Variants in TNRC6C observed in about 807,000 individuals in gnomAD.
The protein encoded by TNRC6C is trinucleotide repeat-containing gene 6C protein.
In TNRC6C, 20 loss-of-function variants were observed where a neutral mutation model predicts 153.7. The ratio of observed to expected loss-of-function variants is 0.13; its 90% CI spans 0.09 to 0.19. The LOEUF (loss-of-function observed/expected upper bound fraction) is 0.19, where lower values mean the gene tolerates loss of function less well. TNRC6C is among the 10% of genes least tolerant of loss of function. The pLI is 1.00. For missense variants in TNRC6C, 1,987 were observed against 2,172.0 expected, an observed-to-expected ratio of 0.91 and a Z score of 1.69; for synonymous variants, 811 against 841.4, an observed-to-expected ratio of 0.96 and a Z score of 0.63.
chr17:77,989,637 C>T (rs1485262306), intron 1 of TNRC6C, among the ~76,000 whole-genome samples: 1 of 152,162 alleles, frequency 6.6e-6, no homozygotes, highest in Non-Finnish European at 1.5e-5. Context: ...TATTTGTTTA[C>T]CCACTAACTG....
At chr17:78,004,617 A>AT (rs918661410), upstream of TNRC6C, among the ~76,000 whole-genome samples, 393 of 149,898 alleles carry the variant, frequency 2.6e-3, 2 homozygotes, top group African/African-American at 8.1e-3. Context: ...AGCTAGAAAT[A>AT]TTTTTTTTTT....
intron 1 of TNRC6C, among the ~76,000 whole-genome samples, chr17:77,992,063 C>G (rs1033146876): frequency 9.9e-5 from 15 of 152,148 alleles, no homozygotes; most frequent in African/African-American, 3.6e-4. Flanking sequence ...CCTTCCGAGC[C>G]CAGTGCTGAG....
chr17:78,006,479 CTTCTTCTTCTTCT>C (rs1316245835), intron 1 of TNRC6C, among the ~76,000 whole-genome samples: 5 of 149,326 alleles, frequency 3.3e-5, no homozygotes, highest in African/African-American at 1.3e-4. Context: ...TCCATTTCTT[CTTCTTCTTCTTCT>C]TTCTTCTTCT....
intron 5 of TNRC6C, among the ~76,000 whole-genome samples, chr17:78,070,845 T>C (rs2072980122): frequency 6.6e-6 from 1 of 152,214 alleles, no homozygotes; most frequent in Admixed American, 6.5e-5. Flanking sequence ...GAAATAATTA[T>C]CTTGCTTTAA....
intron 19 of TNRC6C, 113 bp downstream of exon 22, chr17:78,103,666 T>C: frequency 6.9e-7 from 1 of 1,442,416 alleles, no homozygotes; most frequent in Non-Finnish European, 9.3e-7. Context: ...TCCCACAGGC[T>C]GGCCACCCTC....
At chr17:78,067,432 G>T (rs2072903991) in intron 4 of TNRC6C, among the ~76,000 whole-genome samples, 1 of 152,200 alleles carries the variant, frequency 6.6e-6, no homozygotes, top group Non-Finnish European at 1.5e-5. Flanking sequence ...TTCATACCAT[G>T]TAGAGATTGC....
exon 20 of TNRC6C, chr17:78,108,107 A>G (rs1414642888): frequency 6.6e-6 from 1 of 152,222 alleles, no homozygotes; most frequent in Non-Finnish European, 1.5e-5. Flanking sequence ...GCCTCTGAAG[A>G]CAAACCGAGC....
intron 1 of TNRC6C, among the ~76,000 whole-genome samples, chr17:77,979,094 T>A (rs1447946503): frequency 6.6e-6 from 1 of 152,184 alleles, no homozygotes; most frequent in Non-Finnish European, 1.5e-5. Context: ...GACCTTAAGG[T>A]AATGTTGATA....
In TNRC6C at chr17:78,063,269, A is replaced by AAT. The variant is rs553498675; in HGVS notation, c.2396-1442_2396-1441dup. On this transcript the variant is annotated intron_variant, in intron 3 of 19. Coordinates refer to ENST00000301624, the Ensembl canonical transcript of TNRC6C. ...CCAAAATATATATATATATATAAAT[A>AAT]ATATATATATATGTATAATTTTAAT... Among the ~76,000 whole-genome samples the AAT allele has an allele frequency of 7.6e-4, 112 of 147,896 alleles. 2 individuals carry two copies. Among genetic ancestry groups the AAT allele is most frequent in the African/African-American group, 2.3e-3 (95 of 40,670 alleles).
exon 4 of TNRC6C, chr17:78,064,771 C>T (rs376025215): frequency 4.3e-6 from 7 of 1,613,762 alleles, no homozygotes; most frequent in African/African-American, 2.7e-5. Context: ...AGACTGAAAA[C>T]TCTTGGGGAG....
intron 1 of TNRC6C, among the ~76,000 whole-genome samples, chr17:78,023,823 AGCCTG>A (rs1243378979): frequency 6.9e-6 from 1 of 144,972 alleles, no homozygotes; most frequent in Non-Finnish European, 1.5e-5. Context: ...CAAACAAAAA[AGCCTG>A]GCCGGGCACT....
chr17:78,058,261 C>G lies in TNRC6C; in HGVS notation c.2396-6461C>G, dbSNP rs569049382. Among the ~76,000 whole-genome samples, 7 of 152,296 alleles carry G rather than the reference C, an allele frequency of 4.6e-5. No individual in the cohort carries two copies. In the South Asian group the frequency reaches 1.5e-3, roughly 32 times the overall value. On this transcript the variant is annotated intron_variant, in intron 3 of 19. Transcript: ENST00000301624. ...GGATGTGGCAGAAAGGGAGAAAGTGCAAACATAGCATTTATGTGTGTTCTA... is the reference window on the plus strand; with the variant it reads ...GGATGTGGCAGAAAGGGAGAAAGTGGAAACATAGCATTTATGTGTGTTCTA...
chr17:78,075,036 G>A lies in TNRC6C; in HGVS notation c.2918-100G>A. On this transcript the variant is annotated intron_variant, in intron 7 of 19. Transcript: ENST00000301624. This position sits in a 1 kb window ranked among gnomAD's most constrained non-coding sequence, Gnocchi z 4.2. ...TGGCTTCCCTGTGTTTGAAGGGGTG[G>A]AGGGTCTCCATCCCTCCTTGAGGCC... 4 of 1,449,190 alleles carry A rather than the reference G, an allele frequency of 2.8e-6. No homozygotes were observed. The highest frequency in any genetic ancestry group is 2.6e-5 in the South Asian group (2 of 76,270). 89.8% of individuals were successfully genotyped at this position (1,449,190 alleles called of 1,614,324 possible).
chr17:77,958,656 G>A (rs2070831935), upstream of TNRC6C, among the ~76,000 whole-genome samples: 3 of 151,986 alleles, frequency 2.0e-5, no homozygotes, highest in South Asian at 4.1e-4. Context: ...GGGGAAGGGG[G>A]CGCGAGCGCC....
intron 1 of TNRC6C, among the ~76,000 whole-genome samples, chr17:78,019,370 G>A (rs995987925): frequency 6.6e-6 from 1 of 152,228 alleles, no homozygotes. Flanking sequence ...TGAAGGGACA[G>A]CAGCCTGAAC....
intron 9 of TNRC6C, chr17:78,077,867 C>T (rs940253270): frequency 6.3e-6 from 1 of 158,426 alleles, no homozygotes; most frequent in African/African-American, 2.4e-5. Flanking sequence ...CAGTTAACTA[C>T]AGGAAGGACC....
chr17:77,989,785 T>A (rs1345168408), intron 1 of TNRC6C, among the ~76,000 whole-genome samples: 2 of 152,184 alleles, frequency 1.3e-5, no homozygotes, highest in Non-Finnish European at 2.9e-5. Context: ...GAGTGAATCA[T>A]CCCCTTGGGC....
intron 3 of TNRC6C, among the ~76,000 whole-genome samples, chr17:78,064,220 C>A (rs1038472280): frequency 2.6e-5 from 4 of 151,928 alleles, no homozygotes; most frequent in African/African-American, 9.7e-5. Context: ...CTCAGCCTCC[C>A]CAATAGCTCG....
In TNRC6C at chr17:77,983,541, TGAG is replaced by T. The variant is rs898773397; in HGVS notation, c.-37-20625_-37-20623del. On this transcript the variant is annotated intron_variant, in intron 1 of 22. Transcript: ENST00000636222. ...AGTACTCAAGAAAAGGCAGGTCTGT[TGAG>T]GAGTCACATGTTTCAGGAATGAAGG... Among the ~76,000 whole-genome samples, 60 of 152,278 alleles carry T rather than the reference TGAG, an allele frequency of 3.9e-4. 1 individual carries two copies. The highest frequency in any genetic ancestry group is 1.4e-3 in the Admixed American group (22 of 15,294).
Sources: allele counts gnomAD v4.1 joint callset (sites outside exome capture counted in the v4.1 genomes callset), GRCh38; gene constraint gnomAD v4.1.1; non-coding constraint Gnocchi (gnomAD v3.1); transcripts MANE v1.5; gene names NCBI Gene and HGNC (gene_info 2026-07-23, HGNC 2026-07-21).